STARD13: variants seen among roughly 807,000 people sequenced by gnomAD.
STARD13 encodes StAR related lipid transfer domain containing 13.
Under a neutral mutation model 106.4 loss-of-function variants are expected in STARD13, and 62 were observed. The observed-to-expected ratio is 0.58, with a 90% CI of 0.48 to 0.72. The LOEUF (loss-of-function observed/expected upper bound fraction) is 0.72. STARD13 is among the 30% of genes least tolerant of loss of function. The probability of loss-of-function intolerance (pLI) is 0.00; values close to 1 mark genes in which losing one functional copy is unlikely to be tolerated. For missense variants in STARD13, 1,387 were observed against 1,424.0 expected (o/e 0.97, Z 0.42); for synonymous variants, 565 against 553.0 (o/e 1.02, Z -0.31).
the STARD13 span, among the ~76,000 whole-genome samples, chr13:33,580,381 G>A: frequency 7.9e-5 from 12 of 152,066 alleles, no homozygotes; most frequent in African/African-American, 2.9e-4. Flanking sequence ...AGTGGTTGCC[G>A]TGGGCTTAGT....
intron 1 of STARD13, among the ~76,000 whole-genome samples, chr13:33,272,213 G>C (rs1052339727): frequency 2.0e-5 from 3 of 152,176 alleles, no homozygotes; most frequent in Admixed American, 2.0e-4. Context: ...AAGTGTTTCA[G>C]ATTTGAGATG....
At chr13:33,601,458 G>A in the STARD13 span, among the ~76,000 whole-genome samples, 2 of 152,054 alleles carry the variant, frequency 1.3e-5, no homozygotes, top group Non-Finnish European at 2.9e-5. Context: ...GGTTTCTTGG[G>A]GATAGGAAAG....
At chr13:33,185,667 T>C (rs1455612555) in intron 1 of STARD13, among the ~76,000 whole-genome samples, 1 of 152,168 alleles carries the variant, frequency 6.6e-6, no homozygotes. Context: ...TAGGCAATTT[T>C]CCCACTGTCT....
intron 1 of STARD13, among the ~76,000 whole-genome samples, chr13:33,169,259 T>G (rs1883677329): frequency 6.6e-6 from 1 of 152,258 alleles, no homozygotes; most frequent in Non-Finnish European, 1.5e-5. Flanking sequence ...TGGGCTAACT[T>G]GGGCTTTCCT....
At chr13:33,672,086 T>G in the STARD13 span, among the ~76,000 whole-genome samples, 1 of 152,196 alleles carries the variant, frequency 6.6e-6, no homozygotes, top group African/African-American at 2.4e-5. Context: ...ATTGCAGCAC[T>G]GTTCACAATA....
the STARD13 span, among the ~76,000 whole-genome samples, chr13:33,552,445 A>C: frequency 6.6e-6 from 1 of 152,222 alleles, no homozygotes; most frequent in Non-Finnish European, 1.5e-5. Flanking sequence ...ACGTTCTTTG[A>C]CTGTAACAGA....
the STARD13 span, among the ~76,000 whole-genome samples, chr13:33,510,742 C>A: frequency 6.6e-6 from 1 of 152,080 alleles, no homozygotes; most frequent in South Asian, 2.1e-4. Context: ...AGAGCCTGCC[C>A]AATAATGCAG....
chr13:33,160,964 A>G (rs534024448), intron 3 of STARD13, among the ~76,000 whole-genome samples: 8 of 152,342 alleles, frequency 5.3e-5, no homozygotes, highest in Non-Finnish European at 7.3e-5. Context: ...AAAAACTTGA[A>G]TATGAATGTT....
chr13:33,653,675 A>T, the STARD13 span, among the ~76,000 whole-genome samples: 1 of 148,462 alleles, frequency 6.7e-6, no homozygotes, highest in African/African-American at 2.6e-5. Flanking sequence ...AAAAAAGATC[A>T]ATTGGATTTT....
the STARD13 span, among the ~76,000 whole-genome samples, chr13:33,607,956 C>T: frequency 6.6e-6 from 1 of 152,178 alleles, no homozygotes; most frequent in African/African-American, 2.4e-5. Context: ...GTTACCCAGG[C>T]TGGAGTACAA....
At chr13:33,574,913 C>CTTTTTTT in the STARD13 span, among the ~76,000 whole-genome samples, 1 of 117,586 alleles carries the variant, frequency 8.5e-6, no homozygotes, top group African/African-American at 3.3e-5. Context: ...TATGCATCTA[C>CTTTTTTT]TTTTTTTTTT....
At chr13:33,653,897 A>G in the STARD13 span, among the ~76,000 whole-genome samples, 1 of 152,226 alleles carries the variant, frequency 6.6e-6, no homozygotes, top group Non-Finnish European at 1.5e-5. Flanking sequence ...CCTAAATAAC[A>G]TATACAAATG....
chr13:33,340,944 A>C (rs1181571059), intron 1 of STARD13, among the ~76,000 whole-genome samples: 1 of 152,234 alleles, frequency 6.6e-6, no homozygotes, highest in African/African-American at 2.4e-5. Flanking sequence ...CTGTCCCAAC[A>C]TGCTTTGACA....
the STARD13 span, among the ~76,000 whole-genome samples, chr13:33,512,775 T>C: frequency 6.6e-6 from 1 of 151,988 alleles, no homozygotes; most frequent in African/African-American, 2.4e-5. Flanking sequence ...GGCCGTTTTT[T>C]CACTCTAACC....
At chr13:33,557,911 T>C in the STARD13 span, among the ~76,000 whole-genome samples, 36 of 152,312 alleles carry the variant, frequency 2.4e-4, no homozygotes, top group African/African-American at 7.5e-4. Flanking sequence ...AACTTGAAAT[T>C]ATAGCTGTGA....
At chr13:33,585,268 C>T in the STARD13 span, among the ~76,000 whole-genome samples, 3 of 152,160 alleles carry the variant, frequency 2.0e-5, no homozygotes, top group Non-Finnish European at 2.9e-5. Flanking sequence ...CTAGCAATTC[C>T]ACTTCAGGGC....
At chr13:33,501,512 T>C in the STARD13 span, among the ~76,000 whole-genome samples, 9 of 152,332 alleles carry the variant, frequency 5.9e-5, no homozygotes, top group African/African-American at 2.2e-4. Flanking sequence ...GTTTTTATGG[T>C]TTCAGGTCTA....
intron 1 of STARD13, among the ~76,000 whole-genome samples, chr13:33,196,875 G>A (rs1886661065): frequency 6.6e-6 from 1 of 152,186 alleles, no homozygotes; most frequent in Admixed American, 6.5e-5. Flanking sequence ...CTGAACTAGT[G>A]TAAAATTGTC....
At chr13:33,123,752 A>G (rs574279899) in intron 7 of STARD13, among the ~76,000 whole-genome samples, 2 of 152,350 alleles carry the variant, frequency 1.3e-5, no homozygotes, top group African/African-American at 4.8e-5. Context: ...AAGGCTGGCA[A>G]TGTGTCAGGC....
Sources: allele counts gnomAD v4.1 joint callset (sites outside exome capture counted in the v4.1 genomes callset), GRCh38; gene constraint gnomAD v4.1.1; transcripts MANE v1.5; gene names NCBI Gene and HGNC (gene_info 2026-07-23, HGNC 2026-07-21).